The following SIPA1L1 variants were observed in gnomAD, a reference collection of about 807,000 sequenced individuals.
The protein encoded by SIPA1L1 is signal induced proliferation associated 1 like 1, also known as signal-induced proliferation-associated 1-like protein 1.
A neutral mutation model predicts 162.7 loss-of-function variants in SIPA1L1; 26 were observed. That is an observed-to-expected ratio of 0.16 (90% CI 0.12 to 0.22). The LOEUF (loss-of-function observed/expected upper bound fraction) is 0.22, where lower values mean the gene tolerates loss of function less well. Ranked by LOEUF, SIPA1L1 falls within the 10% of genes least tolerant of loss-of-function variation. The probability of loss-of-function intolerance (pLI) is 1.00; values close to 1 mark genes in which losing one functional copy is unlikely to be tolerated. For missense variants in SIPA1L1, 1,874 were observed against 2,241.0 expected, an observed-to-expected ratio of 0.84 and a Z score of 3.31; for synonymous variants, 829 against 837.4, an observed-to-expected ratio of 0.99 and a Z score of 0.17.
chr14:71,373,864 A>C (rs1422040117), intron 2 of SIPA1L1, among the ~76,000 whole-genome samples: 1 of 152,086 alleles, frequency 6.6e-6, no homozygotes, highest in African/African-American at 2.4e-5. Flanking sequence ...CCAGGAGTTC[A>C]AGACCAGCCT....
intron 2 of SIPA1L1, among the ~76,000 whole-genome samples, chr14:71,334,850 T>G (rs1594866085): frequency 6.6e-6 from 1 of 152,244 alleles, no homozygotes; most frequent in African/African-American, 2.4e-5. Context: ...TAAAATTTGC[T>G]TAGGATCCAC....
chr14:71,392,280 C>T (rs1208060144), intron 2 of SIPA1L1, among the ~76,000 whole-genome samples: 3 of 152,272 alleles, frequency 2.0e-5, no homozygotes, highest in Admixed American at 6.5e-5. Context: ...TGGCTTCTGC[C>T]TTCTCTGTTG....
chr14:71,514,895 A>G (rs750745485), intron 3 of SIPA1L1, among the ~76,000 whole-genome samples: 2 of 152,250 alleles, frequency 1.3e-5, no homozygotes, highest in Admixed American at 6.5e-5. Context: ...ATTTTAGACT[A>G]TAGATGCTGA....
At chr14:71,663,184 A>G (rs2043691308) in intron 10 of SIPA1L1, among the ~76,000 whole-genome samples, 1 of 152,206 alleles carries the variant, frequency 6.6e-6, no homozygotes, top group Non-Finnish European at 1.5e-5. Flanking sequence ...TGACCAATTT[A>G]TACATTTTAT....
intron 5 of SIPA1L1, among the ~76,000 whole-genome samples, chr14:71,615,296 G>A (rs180687184): frequency 7.2e-5 from 11 of 152,290 alleles, no homozygotes; most frequent in African/African-American, 2.2e-4. Context: ...GCTGAGGCTG[G>A]AGTGATTGAC....
At chr14:71,492,077 G>T (rs979779253) in intron 2 of SIPA1L1, among the ~76,000 whole-genome samples, 2 of 152,276 alleles carry the variant, frequency 1.3e-5, no homozygotes, top group East Asian at 1.9e-4. Flanking sequence ...CGAGATGCCT[G>T]TCCTTGACAA....
chr14:71,477,428 C>T (rs1351334945), intron 2 of SIPA1L1, among the ~76,000 whole-genome samples: 1 of 152,126 alleles, frequency 6.6e-6, no homozygotes, highest in African/African-American at 2.4e-5. Context: ...CCAGGCTGGT[C>T]TCCGATAGTG....
intron 2 of SIPA1L1, among the ~76,000 whole-genome samples, chr14:71,453,996 CAAAAAAAAAAAAAAAAAA>C (rs751420064): frequency 4.1e-4 from 31 of 76,536 alleles, no homozygotes; most frequent in Non-Finnish European, 5.7e-4. Context: ...GAGATTGTTT[CAAAAAAAAAAAAAAAAAA>C]AAAAAAAAAA....
At chr14:71,515,254 A>G (rs1034989002) in intron 3 of SIPA1L1, among the ~76,000 whole-genome samples, 1 of 152,276 alleles carries the variant, frequency 6.6e-6, no homozygotes, top group Non-Finnish European at 1.5e-5. Context: ...GAGAGAATGG[A>G]GAATTCGTGT....
At chr14:71,629,514 A>G (rs1236935133) in intron 7 of SIPA1L1, among the ~76,000 whole-genome samples, 1 of 152,186 alleles carries the variant, frequency 6.6e-6, no homozygotes, top group Non-Finnish European at 1.5e-5. Flanking sequence ...CTGGAATTAT[A>G]TTGCTGCAGA....
chr14:71,700,322 C>T (rs185866353), intron 14 of SIPA1L1, among the ~76,000 whole-genome samples: 7 of 151,824 alleles, frequency 4.6e-5, no homozygotes, highest in Admixed American at 3.3e-4. Flanking sequence ...TCCGTGGAGG[C>T]TGGGAATTTG....
chr14:71,726,866 C>G (rs2084288406), intron 19 of SIPA1L1, among the ~76,000 whole-genome samples: 1 of 152,022 alleles, frequency 6.6e-6, no homozygotes, highest in South Asian at 2.1e-4. Context: ...GCTGGCATGC[C>G]CTTGAGAGGT....
At chr14:71,341,666 C>G (rs1223116075) in intron 2 of SIPA1L1, among the ~76,000 whole-genome samples, 1 of 152,172 alleles carries the variant, frequency 6.6e-6, no homozygotes, top group Non-Finnish European at 1.5e-5. Context: ...TCTCTCCCCT[C>G]TCTAGTAGTT....
chr14:71,739,068 G>A lies in SIPA1L1; in HGVS notation c.5259G>A (p.Glu1753=). The change falls in exon 24 of 24, where the codon GAG becomes GAA. Residue 1753 remains glutamate (E), a synonymous_variant. Coordinates refer to ENST00000381232, the MANE Select transcript of SIPA1L1 (RefSeq NM_001386936.1). ...HLQAEVQHLR[E]DNLRLQEESQ... is the part of the protein sequence containing the mutation. ...AGGCGGAGGTGCAGCACCTGCGAGAGGACAACCTGAGGCTACAGGAGGAGT... is the reference window on the plus strand; with the variant it reads ...AGGCGGAGGTGCAGCACCTGCGAGAAGACAACCTGAGGCTACAGGAGGAGT... 6.2e-7 allele frequency: 1 copy of A among 1,614,104 alleles called. No homozygotes were observed. Among genetic ancestry groups the A allele is most frequent in the Non-Finnish European group, 8.5e-7 (1 of 1,179,984 alleles).
chr14:71,738,161 TAAAAAAAAAAAA>T (rs34549978), intron 22 of SIPA1L1, 68 bp from the exon 23 acceptor site: 22 of 368,968 alleles, frequency 6.0e-5, no homozygotes, highest in Non-Finnish European at 9.7e-5. Context: ...CTCCTCAGAG[TAAAAAAAAAAAA>T]AAAAAAAAAA....
chr14:71,505,614 A>G (rs968964415), intron 2 of SIPA1L1, among the ~76,000 whole-genome samples: 8 of 152,062 alleles, frequency 5.3e-5, no homozygotes, highest in African/African-American at 1.9e-4. Flanking sequence ...GTCTTGGCCT[A>G]GCTTTTCATT....
chr14:71,496,334 AAATATATTTCTTAATTTT>A (rs1247513574), intron 2 of SIPA1L1, among the ~76,000 whole-genome samples: 1 of 151,888 alleles, frequency 6.6e-6, no homozygotes, highest in Non-Finnish European at 1.5e-5. Context: ...TGATGATAAT[AAATATATTTCTTAATTTT>A]GCTTGTGATT....
intron 4 of SIPA1L1, chr14:71,576,637 G>C (rs2033071675): frequency 6.6e-6 from 1 of 152,192 alleles, no homozygotes; most frequent in Non-Finnish European, 1.5e-5. Flanking sequence ...AATTCTTCAT[G>C]CAGGCTGAGT....
intron 4 of SIPA1L1, among the ~76,000 whole-genome samples, chr14:71,530,821 G>C (rs945071095): frequency 5.3e-5 from 8 of 152,066 alleles, no homozygotes; most frequent in African/African-American, 1.9e-4. Flanking sequence ...ATGATTTTTG[G>C]ATGCTTTTTA....
Sources: gnomAD v4.1 joint callset for allele counts (sites outside exome capture counted in the v4.1 genomes callset) on GRCh38, gnomAD v4.1.1 for gene constraint, MANE v1.5 for transcripts, NCBI Gene and HGNC (gene_info 2026-07-23, HGNC 2026-07-21) for gene names.